GABRG3: variants seen among roughly 807,000 people sequenced by gnomAD.
GABRG3 encodes gamma-aminobutyric acid type A receptor subunit gamma3, also known as gamma-aminobutyric acid receptor subunit gamma-3.
In GABRG3, 25 loss-of-function variants were observed where a neutral mutation model predicts 48.8. The observed-to-expected ratio is 0.51, with a 90% CI of 0.37 to 0.72. GABRG3 has a LOEUF of 0.72. Ranked by LOEUF, GABRG3 falls within the 30% of genes least tolerant of loss-of-function variation. The pLI is 0.00. For synonymous variants in GABRG3, 227 were observed against 217.6 expected, an observed-to-expected ratio of 1.04 and a Z score of -0.38; for missense variants, 394 against 577.9, an observed-to-expected ratio of 0.68 and a Z score of 3.26.
intron 5 of GABRG3, among the ~76,000 whole-genome samples, chr15:27,401,055 A>C (rs983075999): frequency 6.6e-6 from 1 of 152,228 alleles, no homozygotes; most frequent in Non-Finnish European, 1.5e-5. Context: ...CATGACTTTC[A>C]ATTTTGAATG....
chr15:27,413,522 G>A (rs72705752), intron 5 of GABRG3, among the ~76,000 whole-genome samples: 25,532 of 152,176 alleles, frequency 0.17, 2,273 homozygotes, highest in Middle Eastern at 0.26. Context: ...TGTAGCACAC[G>A]AAAAATCATT....
chr15:27,397,530 T>G (rs1887341779), intron 5 of GABRG3, among the ~76,000 whole-genome samples: 1 of 152,170 alleles, frequency 6.6e-6, no homozygotes, highest in African/African-American at 2.4e-5. Context: ...GCCCCCTTCA[T>G]GTACCACACC....
At chr15:27,045,990 G>T (rs576792726) in intron 3 of GABRG3, among the ~76,000 whole-genome samples, 1 of 152,258 alleles carries the variant, frequency 6.6e-6, no homozygotes, top group South Asian at 2.1e-4. Context: ...GTGGGCAGAC[G>T]TGGGAACTGC....
At chr15:26,972,653 C>A (rs1271909118) in intron 1 of GABRG3, among the ~76,000 whole-genome samples, 3 of 152,140 alleles carry the variant, frequency 2.0e-5, no homozygotes, top group African/African-American at 7.2e-5. Context: ...GCCTGGCCAC[C>A]ATCAGGAGGC....
At chr15:27,041,020 C>T (rs1438474686) in intron 3 of GABRG3, among the ~76,000 whole-genome samples, 3 of 142,612 alleles carry the variant, frequency 2.1e-5, no homozygotes, top group Admixed American at 7.3e-5. Flanking sequence ...ATTCAAACAG[C>T]ATTTGTGGAC....
chr15:27,189,357 T>A (rs1188317233), intron 3 of GABRG3, among the ~76,000 whole-genome samples: 1 of 152,210 alleles, frequency 6.6e-6, no homozygotes, highest in Non-Finnish European at 1.5e-5. Flanking sequence ...TTCCTACCCA[T>A]GAGCATGGAA....
At chr15:27,009,396 A>G (rs1413678283) in intron 2 of GABRG3, among the ~76,000 whole-genome samples, 2 of 152,160 alleles carry the variant, frequency 1.3e-5, no homozygotes, top group Non-Finnish European at 2.9e-5. Flanking sequence ...AGGACACATG[A>G]CGATTGAAAA....
chr15:27,323,858 C>T (rs963378091), intron 3 of GABRG3, among the ~76,000 whole-genome samples: 3 of 152,186 alleles, frequency 2.0e-5, no homozygotes, highest in Non-Finnish European at 4.4e-5. Context: ...ACGTGGTTCA[C>T]GTGAGTCAGC....
chr15:27,091,019 G>T (rs1481729734), intron 3 of GABRG3, among the ~76,000 whole-genome samples: 1 of 152,074 alleles, frequency 6.6e-6, no homozygotes, highest in Non-Finnish European at 1.5e-5. Context: ...TAATTGCTCT[G>T]GCTTGAACTT....
chr15:27,376,484 C>T (rs559004808), intron 5 of GABRG3, among the ~76,000 whole-genome samples: 12 of 152,340 alleles, frequency 7.9e-5, no homozygotes, highest in Non-Finnish European at 1.5e-4. Flanking sequence ...CAAACTTCTG[C>T]GTGGGCATCC....
At position 27,447,114 on chromosome 15, in the gene GABRG3, A is replaced by G. The variant is rs1439894487; in HGVS notation, c.575-33536A>G. 6.6e-6 allele frequency among the ~76,000 whole-genome samples: 1 copy of G among 152,174 alleles called. No homozygotes were observed. Among genetic ancestry groups the G allele is most frequent in the Non-Finnish European group, 1.5e-5 (1 of 68,024 alleles). On this transcript the variant is annotated intron_variant, in intron 5 of 9. Coordinates refer to ENST00000615808, the MANE Select transcript of GABRG3 (RefSeq NM_033223.5). The surrounding 1 kb of genome is among the most constrained non-coding windows in gnomAD (Gnocchi z 4.0). ...CTGGTAGACAAGGGCAGCAATCCCAATGTTCATAAAATGTTCCAGCAGCAC... is the reference window on the plus strand; with the variant it reads ...CTGGTAGACAAGGGCAGCAATCCCAGTGTTCATAAAATGTTCCAGCAGCAC...
At chr15:27,082,954 C>T (rs1474078774) in intron 3 of GABRG3, among the ~76,000 whole-genome samples, 1 of 152,194 alleles carries the variant, frequency 6.6e-6, no homozygotes, top group Non-Finnish European at 1.5e-5. Flanking sequence ...ACAGAATTCT[C>T]AGGACTACAA....
At chr15:27,058,009 A>C (rs149793247) in intron 3 of GABRG3, among the ~76,000 whole-genome samples, 1 of 152,110 alleles carries the variant, frequency 6.6e-6, no homozygotes, top group Non-Finnish European at 1.5e-5. Flanking sequence ...TCACTCTCAC[A>C]GTGAATCTGC....
At chr15:27,365,538 G>A (rs12906782) in intron 5 of GABRG3, 43,167 of 152,118 alleles carry the variant, frequency 0.28, 6,574 homozygotes, top group Middle Eastern at 0.38. Context: ...GGTCAGAGCT[G>A]GGCTGTGCAT....
chr15:27,380,992 C>G (rs1895756465), intron 5 of GABRG3, among the ~76,000 whole-genome samples: 1 of 151,950 alleles, frequency 6.6e-6, no homozygotes, highest in African/African-American at 2.4e-5. Context: ...GTCTCAATCT[C>G]CTGACCTCGT....
intron 3 of GABRG3, among the ~76,000 whole-genome samples, chr15:27,084,565 C>T (rs2140747732): frequency 6.6e-6 from 1 of 152,270 alleles, no homozygotes; most frequent in Non-Finnish European, 1.5e-5. Context: ...TTCAGGCTAG[C>T]CTGGGGCTGC....
At chr15:27,169,455 G>C (rs1887490285) in intron 3 of GABRG3, among the ~76,000 whole-genome samples, 1 of 152,130 alleles carries the variant, frequency 6.6e-6, no homozygotes, top group Non-Finnish European at 1.5e-5. Context: ...TTGGTAGGTG[G>C]GTCTGGAAAG....
chr15:27,219,062 G>A (rs1889362532), intron 3 of GABRG3, among the ~76,000 whole-genome samples: 1 of 152,140 alleles, frequency 6.6e-6, no homozygotes, highest in Non-Finnish European at 1.5e-5. Context: ...CTCTGACCTG[G>A]CCTTCTCCTC....
intron 6 of GABRG3, among the ~76,000 whole-genome samples, chr15:27,491,547 T>TA (rs1890355806): frequency 6.6e-6 from 1 of 152,250 alleles, no homozygotes; most frequent in East Asian, 1.9e-4. Context: ...TTTGTTTTAT[T>TA]ACTTCCTTTA....
Sources: gnomAD v4.1 joint callset for allele counts (sites outside exome capture counted in the v4.1 genomes callset) on GRCh38, gnomAD v4.1.1 for gene constraint, Gnocchi (gnomAD v3.1) non-coding constraint, MANE v1.5 for transcripts, NCBI Gene and HGNC (gene_info 2026-07-23, HGNC 2026-07-21) for gene names.